NT5E: variants seen among roughly 807,000 people sequenced by gnomAD.
NT5E encodes the protein 5'-nucleotidase.
A neutral mutation model predicts 55.1 loss-of-function variants in NT5E; 53 were observed. The ratio of observed to expected loss-of-function variants is 0.96; its 90% CI spans 0.77 to 1.21. The LOEUF is 1.21. Among genes scored for constraint, NT5E ranks in the 50% most tolerant of loss-of-function variants. The probability of loss-of-function intolerance (pLI) is 0.00; values close to 1 mark genes in which losing one functional copy is unlikely to be tolerated. For synonymous variants in NT5E, 270 were observed against 278.4 expected (o/e 0.97, Z 0.30); for missense variants, 683 against 724.3 (o/e 0.94, Z 0.65).
intron 3 of NT5E, among the ~76,000 whole-genome samples, chr6:85,480,387 T>G (rs1769520584): frequency 6.6e-6 from 1 of 152,172 alleles, no homozygotes; most frequent in Non-Finnish European, 1.5e-5. Context: ...CCCCTCAAAT[T>G]CCCTAAAGTT....
chr6:85,453,442 T>C (rs760483483), intron 1 of NT5E, among the ~76,000 whole-genome samples: 1 of 152,206 alleles, frequency 6.6e-6, no homozygotes, highest in Non-Finnish European at 1.5e-5. Flanking sequence ...TCTCACAGCC[T>C]GGCACAGTCT....
At position 85,450,361 on chromosome 6, in the gene NT5E, C is replaced by G. The variant is rs147423946; in HGVS notation, c.222C>G (p.Ala74=). 72 of 1,595,364 alleles carry G rather than the reference C, an allele frequency of 4.5e-5. No individual in the cohort carries two copies. The highest frequency in any genetic ancestry group is 5.9e-5 in the Non-Finnish European group (69 of 1,172,408). ...LFTKVQQIRR[A]EPNVLLLDAG... ...CCAAGGTTCAGCAGATCCGCCGCGC[C>G]GAACCCAACGTGCTGCTGCTGGACG... The change falls in exon 1 of 9, where the codon GCC becomes GCG. Residue 74 remains alanine, a synonymous_variant. Coordinates refer to ENST00000257770, the MANE Select transcript of NT5E (RefSeq NM_002526.4). The surrounding 1 kb of genome is among the most constrained non-coding windows in gnomAD (Gnocchi z 4.0).
chr6:85,491,537 T>C (rs1161724343), intron 7 of NT5E, among the ~76,000 whole-genome samples: 2 of 152,230 alleles, frequency 1.3e-5, no homozygotes, highest in Non-Finnish European at 2.9e-5. Flanking sequence ...TCTGATGCTC[T>C]AGCAAAGCAC....
chr6:85,490,647 G>C lies in NT5E; in HGVS notation c.1350G>C (p.Leu450=). 2 of 1,614,022 alleles carry C rather than the reference G, an allele frequency of 1.2e-6. No individual in the cohort carries two copies. Among genetic ancestry groups the C allele is most frequent in the Non-Finnish European group, 1.7e-6 (2 of 1,180,002 alleles). Reference sequence around the variant, plus strand: ...ACGGCCAGTCCACTGGAGAGTTCCTGCAGGTGGGCGGTAAGTCACCCATCC... The same window carrying C: ...ACGGCCAGTCCACTGGAGAGTTCCTCCAGGTGGGCGGTAAGTCACCCATCC... The part of the protein sequence containing the change: ...HRYGQSTGEF[L]QVGGIHVVYD... Residue 450 remains leucine, a synonymous_variant, in exon 7 of 9, where the codon CTG becomes CTC. Coordinates refer to ENST00000257770, the MANE Select transcript of NT5E (RefSeq NM_002526.4).
chr6:85,454,551 T>C (rs969645434), intron 1 of NT5E, among the ~76,000 whole-genome samples: 10 of 152,218 alleles, frequency 6.6e-5, no homozygotes, highest in African/African-American at 2.4e-4. Flanking sequence ...TCAGGAGTTA[T>C]AGGTTTTGAT....
intron 3 of NT5E, among the ~76,000 whole-genome samples, chr6:85,475,761 T>A (rs1299698893): frequency 3.3e-5 from 5 of 152,188 alleles, no homozygotes; most frequent in Non-Finnish European, 5.9e-5. Context: ...CAAATCAATC[T>A]GGCTAGCTAT....
intron 7 of NT5E, chr6:85,490,920 G>A (rs1769768262): frequency 1.8e-6 from 1 of 562,332 alleles, no homozygotes; most frequent in East Asian, 3.5e-5. Context: ...GGCCCTCTAA[G>A]CAGGTCACCT....
chr6:85,474,684 T>C (rs1769389594), intron 3 of NT5E, among the ~76,000 whole-genome samples: 1 of 152,106 alleles, frequency 6.6e-6, no homozygotes, highest in South Asian at 2.1e-4. Context: ...ATCCCAGAAT[T>C]TTGGGAGGCT....
Position 85,450,624 on chromosome 6 carries a change from A to G in NT5E, c.339+146A>G. 1.3e-5 allele frequency: 10 copies of G among 762,354 alleles called. No individual in the cohort carries two copies. The highest frequency in any genetic ancestry group is 2.2e-5 in the Non-Finnish European group (10 of 447,836). The allele number at this position is 762,354 out of a possible 1,614,324, so 47.2% of individuals were successfully genotyped here. A position where few individuals can be genotyped will look rare whatever the true frequency, so the allele number is the denominator to read the frequency against. Reference sequence around the variant, plus strand: ...AAAGTGAGACTCCGGCCAGTGTGCCAGCTGGATGCATAGAAGTCCCTTGGA... The same window carrying G: ...AAAGTGAGACTCCGGCCAGTGTGCCGGCTGGATGCATAGAAGTCCCTTGGA... On this transcript the variant is annotated intron_variant, in intron 1 of 8. Transcript: ENST00000257770. The surrounding 1 kb of genome is among the most constrained non-coding windows in gnomAD (Gnocchi z 4.0).
At chr6:85,488,920 G>A (rs1361537532) in intron 5 of NT5E, among the ~76,000 whole-genome samples, 1 of 137,262 alleles carries the variant, frequency 7.3e-6, no homozygotes. Context: ...TCTCCTAAAT[G>A]AGAATATATT....
intron 2 of NT5E, among the ~76,000 whole-genome samples, chr6:85,470,716 A>G (rs905996994): frequency 6.6e-6 from 1 of 152,358 alleles, no homozygotes; most frequent in African/African-American, 2.4e-5. Flanking sequence ...TACTGAGATT[A>G]CAAGCGTGAG....
At chr6:85,470,149 A>G (rs1382060234) in intron 2 of NT5E, among the ~76,000 whole-genome samples, 1 of 152,226 alleles carries the variant, frequency 6.6e-6, no homozygotes, top group Non-Finnish European at 1.5e-5. Context: ...ACTTCAGGGC[A>G]GCATGTCTGT....
At chr6:85,453,608 G>A (rs190875040) in intron 1 of NT5E, among the ~76,000 whole-genome samples, 109 of 152,336 alleles carry the variant, frequency 7.2e-4, no homozygotes, top group South Asian at 6.6e-3. Flanking sequence ...CAGGCTGTGG[G>A]GAAGGTAGCT....
intron 3 of NT5E, among the ~76,000 whole-genome samples, chr6:85,484,383 C>A (rs548024559): frequency 4.2e-4 from 64 of 152,258 alleles, no homozygotes; most frequent in African/African-American, 1.5e-3. Flanking sequence ...CTGCCTACTC[C>A]CTGTATGGCG....
At chr6:85,484,194 G>T (rs531378488) in intron 3 of NT5E, among the ~76,000 whole-genome samples, 2 of 152,316 alleles carry the variant, frequency 1.3e-5, no homozygotes, top group African/African-American at 4.8e-5. Context: ...ACTAGCCATG[G>T]GTGTGATGAG....
At chr6:85,477,475 G>A (rs548755745) in intron 3 of NT5E, among the ~76,000 whole-genome samples, 2 of 152,174 alleles carry the variant, frequency 1.3e-5, no homozygotes, top group African/African-American at 4.8e-5. Context: ...AACAAATGGA[G>A]CTTGCAATAT....
chr6:85,482,347 A>T (rs996039880), intron 3 of NT5E, among the ~76,000 whole-genome samples: 1 of 152,068 alleles, frequency 6.6e-6, no homozygotes, highest in Non-Finnish European at 1.5e-5. Context: ...GAAAGAGAGA[A>T]AAGGAAGAAA....
chr6:85,455,979 G>C (rs181213699), intron 1 of NT5E, among the ~76,000 whole-genome samples: 60 of 152,196 alleles, frequency 3.9e-4, no homozygotes, highest in African/African-American at 1.4e-3. Flanking sequence ...AGATAGCTTC[G>C]GGAAGGGGGC....
chr6:85,452,028 C>T (rs1768870477), intron 1 of NT5E, among the ~76,000 whole-genome samples: 2 of 152,190 alleles, frequency 1.3e-5, no homozygotes, highest in South Asian at 4.1e-4. Flanking sequence ...GGGGCTCACA[C>T]ACATCTGGAT....
Sources: allele counts gnomAD v4.1 joint callset (sites outside exome capture counted in the v4.1 genomes callset), GRCh38; gene constraint gnomAD v4.1.1; non-coding constraint Gnocchi (gnomAD v3.1); transcripts MANE v1.5; gene names NCBI Gene and HGNC (gene_info 2026-07-23, HGNC 2026-07-21).